Variants in NDUFS4 observed in about 807,000 individuals in gnomAD.
NDUFS4 encodes NADH dehydrogenase [ubiquinone] iron-sulfur protein 4, mitochondrial.
NDUFS4 carries 28 observed loss-of-function variants against 24.3 expected under a neutral mutation model. The ratio of observed to expected loss-of-function variants is 1.15; its 90% CI spans 0.85 to 1.58. The LOEUF (loss-of-function observed/expected upper bound fraction) is 1.58, where lower values mean the gene tolerates loss of function less well. Ranked by LOEUF, NDUFS4 falls within the 40% of genes most tolerant of loss-of-function variation. The pLI is 0.00. For synonymous variants in NDUFS4, 93 were observed against 69.7 expected, an observed-to-expected ratio of 1.34 and a Z score of -1.67; for missense variants, 223 against 207.9, an observed-to-expected ratio of 1.07 and a Z score of -0.45.
intron 2 of NDUFS4, among the ~76,000 whole-genome samples, chr5:53,608,637 TC>T (rs1337729012): frequency 6.6e-6 from 1 of 152,208 alleles, no homozygotes; most frequent in Non-Finnish European, 1.5e-5. Context: ...TCTGATTTGT[TC>T]CAGTTTAATC....
intron 2 of NDUFS4, among the ~76,000 whole-genome samples, chr5:53,628,468 C>T (rs1468042701): frequency 6.6e-6 from 1 of 152,158 alleles, no homozygotes; most frequent in Non-Finnish European, 1.5e-5. Context: ...ATGAGCTCCT[C>T]TTTGTACCTC....
At chr5:53,643,806 T>G (rs1436701770) in intron 2 of NDUFS4, among the ~76,000 whole-genome samples, 1 of 152,114 alleles carries the variant, frequency 6.6e-6, no homozygotes, top group Non-Finnish European at 1.5e-5. Flanking sequence ...TCAATTGGGC[T>G]GTAGTACCTT....
At chr5:53,573,629 T>G (rs776620838) in intron 1 of NDUFS4, 4 of 450,512 alleles carry the variant, frequency 8.9e-6, no homozygotes, top group Non-Finnish European at 1.8e-5. Context: ...TGCTCTGTCA[T>G]CCAGGCTGGA....
At chr5:53,677,228 T>C (rs1740504191) in intron 4 of NDUFS4, among the ~76,000 whole-genome samples, 2 of 152,182 alleles carry the variant, frequency 1.3e-5, no homozygotes, top group African/African-American at 4.8e-5. Context: ...GCAAGTATAT[T>C]ATTTGAAAAG....
At chr5:53,581,636 T>G (rs750331897) in intron 1 of NDUFS4, among the ~76,000 whole-genome samples, 2 of 152,144 alleles carry the variant, frequency 1.3e-5, no homozygotes, top group African/African-American at 2.4e-5. Flanking sequence ...CCAACACCCT[T>G]TGCCTATTTA....
chr5:53,621,059 A>G (rs940687524), intron 2 of NDUFS4, among the ~76,000 whole-genome samples: 4 of 152,208 alleles, frequency 2.6e-5, no homozygotes, highest in Admixed American at 1.3e-4. Flanking sequence ...GTCTCAAACT[A>G]TAATTGGTAT....
chr5:53,610,026 T>C (rs749493656), intron 2 of NDUFS4, among the ~76,000 whole-genome samples: 44 of 152,246 alleles, frequency 2.9e-4, no homozygotes, highest in Admixed American at 2.6e-3. Flanking sequence ...ATAGCATTTT[T>C]AATTTTCCTC....
At chr5:53,595,830 T>A (rs189987949) in intron 1 of NDUFS4, among the ~76,000 whole-genome samples, 22 of 152,326 alleles carry the variant, frequency 1.4e-4, no homozygotes, top group Non-Finnish European at 2.8e-4. Flanking sequence ...CAACTGCTAT[T>A]AGTTCCTACC....
intron 3 of NDUFS4, among the ~76,000 whole-genome samples, chr5:53,646,739 G>A (rs550403771): frequency 6.6e-6 from 1 of 152,126 alleles, no homozygotes; most frequent in East Asian, 1.9e-4. Context: ...TCAGTTATCC[G>A]ATGGACAGTA....
chr5:53,603,672 A>G, intron 2 of NDUFS4, 142 bp downstream of exon 2: 1 of 663,252 alleles, frequency 1.5e-6, no homozygotes, highest in South Asian at 1.7e-5. Context: ...TTAAGAAGAA[A>G]TATTTGTCAT....
At chr5:53,667,806 G>A (rs139784020) in intron 4 of NDUFS4, among the ~76,000 whole-genome samples, 1 of 152,310 alleles carries the variant, frequency 6.6e-6, no homozygotes, top group Non-Finnish European at 1.5e-5. Context: ...AACAAGTCAT[G>A]CTTCACTACA....
At chr5:53,683,081 C>CTGTT (rs1361990822) in intron 4 of NDUFS4, 37 bp from the exon 5 acceptor site, 1 of 1,356,004 alleles carries the variant, frequency 7.4e-7, no homozygotes, top group Non-Finnish European at 1.1e-6. Flanking sequence ...CTCTTTAATT[C>CTGTT]TGTTTCTGTG....
chr5:53,615,465 T>G (rs975459720), intron 2 of NDUFS4, among the ~76,000 whole-genome samples: 2 of 152,074 alleles, frequency 1.3e-5, no homozygotes, highest in African/African-American at 4.8e-5. Context: ...TCAGGTTTTC[T>G]AATTTTATAT....
intron 3 of NDUFS4, among the ~76,000 whole-genome samples, chr5:53,647,328 C>T (rs1228533426): frequency 6.6e-6 from 1 of 152,102 alleles, no homozygotes; most frequent in Non-Finnish European, 1.5e-5. Context: ...GGTCCTCCCA[C>T]CTTAATCCCC....
At chr5:53,574,873 T>C (rs1327189272) in intron 1 of NDUFS4, among the ~76,000 whole-genome samples, 2 of 152,170 alleles carry the variant, frequency 1.3e-5, no homozygotes, top group African/African-American at 4.8e-5. Flanking sequence ...AGTTGCACTG[T>C]AGTTGCACCT....
chr5:53,611,687 G>A (rs1353555088), intron 2 of NDUFS4, among the ~76,000 whole-genome samples: 2 of 151,962 alleles, frequency 1.3e-5, no homozygotes, highest in Non-Finnish European at 2.9e-5. Context: ...CTTGGCCCTT[G>A]GTTTTTGTTG....
chr5:53,644,016 T>TA (rs1751774390), intron 2 of NDUFS4, among the ~76,000 whole-genome samples: 1 of 152,162 alleles, frequency 6.6e-6, no homozygotes. Context: ...AGACACTTTT[T>TA]AAAAAAGGTT....
chr5:53,618,276 AAAAT>A (rs139187306), intron 2 of NDUFS4, among the ~76,000 whole-genome samples: 39,507 of 151,862 alleles, frequency 0.26, 5,782 homozygotes, highest in Admixed American at 0.35. Context: ...CCCTGTCTCC[AAAAT>A]AAATAAATAA....
At chr5:53,561,212 C>G (rs1421106561) in intron 1 of NDUFS4, among the ~76,000 whole-genome samples, 1 of 152,126 alleles carries the variant, frequency 6.6e-6, no homozygotes, top group Admixed American at 6.5e-5. Context: ...AATTTGGTTT[C>G]TGCATAGGAA....
Sources: gnomAD v4.1 joint callset for allele counts (sites outside exome capture counted in the v4.1 genomes callset) on GRCh38, gnomAD v4.1.1 for gene constraint, MANE v1.5 for transcripts, NCBI Gene and HGNC (gene_info 2026-07-23, HGNC 2026-07-21) for gene names.